METTL15: variants seen among roughly 807,000 people sequenced by gnomAD.
The protein encoded by METTL15 is methyltransferase 15, mitochondrial 12S rRNA N4-cytidine.
In METTL15, 34 loss-of-function variants were observed where a neutral mutation model predicts 38.3. The observed-to-expected ratio is 0.89, with a 90% CI of 0.68 to 1.18. METTL15 has a LOEUF of 1.18. Ranked by LOEUF, METTL15 falls within the 50% of genes most tolerant of loss-of-function variation. METTL15 has a pLI of 0.00. For synonymous variants in METTL15, 162 were observed against 170.9 expected, an observed-to-expected ratio of 0.95 and a Z score of 0.41; for missense variants, 438 against 498.4, an observed-to-expected ratio of 0.88 and a Z score of 1.15.
At chr11:28,393,284 A>G (rs1366691200) in intron 5 of METTL15, among the ~76,000 whole-genome samples, 1 of 152,188 alleles carries the variant, frequency 6.6e-6, no homozygotes, top group Non-Finnish European at 1.5e-5. Flanking sequence ...GTAAATGTCC[A>G]TTTATAAATG....
At chr11:28,118,180 G>T (rs61888972) in intron 3 of METTL15, among the ~76,000 whole-genome samples, 1,940 of 152,022 alleles carry the variant, frequency 0.013, 16 homozygotes, top group Middle Eastern at 0.02. Flanking sequence ...GAGGTGCAAG[G>T]CATTTTATAG....
intron 3 of METTL15, among the ~76,000 whole-genome samples, chr11:28,117,259 G>GTGTATATATA (rs1353342377): frequency 9.2e-6 from 1 of 108,588 alleles, no homozygotes; most frequent in African/African-American, 3.6e-5. Context: ...GTGTGTGTGT[G>GTGTATATATA]TATATATATA....
At chr11:28,120,212 A>G (rs928551915) in intron 3 of METTL15, among the ~76,000 whole-genome samples, 1 of 150,548 alleles carries the variant, frequency 6.6e-6, no homozygotes, top group Non-Finnish European at 1.5e-5. Context: ...TCAGCCTCCC[A>G]AAGTGCTGGG....
At chr11:28,159,263 A>T (rs1158712172) in intron 3 of METTL15, among the ~76,000 whole-genome samples, 1 of 152,134 alleles carries the variant, frequency 6.6e-6, no homozygotes, top group South Asian at 2.1e-4. Context: ...AAATCAGTCT[A>T]CTACGCCGCA....
At chr11:28,361,370 T>C (rs1362679919) in intron 4 of METTL15, among the ~76,000 whole-genome samples, 3 of 152,230 alleles carry the variant, frequency 2.0e-5, no homozygotes, top group African/African-American at 7.2e-5. Flanking sequence ...TGTGAGATGG[T>C]ATCTCATTGT....
chr11:28,216,732 C>T (rs1325261321), intron 4 of METTL15, among the ~76,000 whole-genome samples: 1 of 116,288 alleles, frequency 8.6e-6, no homozygotes, highest in Non-Finnish European at 1.7e-5. Flanking sequence ...CCACAACAGG[C>T]CCCAGTGTAT....
intron 4 of METTL15, among the ~76,000 whole-genome samples, chr11:28,272,656 G>T (rs149337573): frequency 3.5e-4 from 54 of 152,138 alleles, no homozygotes; most frequent in Non-Finnish European, 7.1e-4. Flanking sequence ...ACCATGGCAC[G>T]TGTATACCTA....
At chr11:28,516,845 T>A (rs1221059922) in intron 6 of METTL15, 3 of 152,164 alleles carry the variant, frequency 2.0e-5, no homozygotes, top group African/African-American at 7.2e-5. Context: ...AGATAGAATG[T>A]CATCGGAATG....
chr11:28,368,152 C>CAAAAAAAAACA (rs1850206478), intron 5 of METTL15, among the ~76,000 whole-genome samples: 2 of 108,706 alleles, frequency 1.8e-5, no homozygotes, highest in African/African-American at 6.9e-5. Context: ...ACAAAAAAAA[C>CAAAAAAAAACA]AAAAAAAAAA....
intron 4 of METTL15, among the ~76,000 whole-genome samples, chr11:28,220,385 C>G (rs1853141748): frequency 6.6e-6 from 1 of 152,064 alleles, no homozygotes; most frequent in Non-Finnish European, 1.5e-5. Flanking sequence ...GATTGCAACT[C>G]CTGCCTTTTT....
At chr11:28,313,946 A>G (rs1199580848) in intron 6 of METTL15, among the ~76,000 whole-genome samples, 1 of 152,202 alleles carries the variant, frequency 6.6e-6, no homozygotes, top group Non-Finnish European at 1.5e-5. Context: ...AAATGTATAC[A>G]TGTCCTTCTA....
At chr11:28,267,742 CAA>C (rs1382769748) in intron 4 of METTL15, among the ~76,000 whole-genome samples, 1 of 152,088 alleles carries the variant, frequency 6.6e-6, no homozygotes, top group African/African-American at 2.4e-5. Context: ...TGGCTGAAGT[CAA>C]TATCTGGTAA....
chr11:28,465,101 G>T (rs2133458566), intron 6 of METTL15, among the ~76,000 whole-genome samples: 1 of 152,238 alleles, frequency 6.6e-6, no homozygotes. Flanking sequence ...ACTTGTGCTT[G>T]CCAATTTCCC....
At chr11:28,446,876 G>C (rs146498499) in intron 6 of METTL15, among the ~76,000 whole-genome samples, 1 of 151,558 alleles carries the variant, frequency 6.6e-6, no homozygotes, top group African/African-American at 2.4e-5. Context: ...TAGTTTTTAC[G>C]TCTGCAATTC....
intron 4 of METTL15, among the ~76,000 whole-genome samples, chr11:28,263,127 C>A (rs1028528072): frequency 6.6e-6 from 1 of 151,954 alleles, no homozygotes; most frequent in Non-Finnish European, 1.5e-5. Context: ...CCGAACTGAA[C>A]AGTATGTTCA....
At chr11:28,150,620 C>T (rs1015527520) in intron 3 of METTL15, among the ~76,000 whole-genome samples, 5 of 140,718 alleles carry the variant, frequency 3.6e-5, no homozygotes, top group African/African-American at 5.0e-5. Context: ...ATACACATAT[C>T]GCCTGTGTGA....
At chr11:28,145,117 A>T (rs1280764415) in intron 3 of METTL15, 1 of 153,622 alleles carries the variant, frequency 6.5e-6, no homozygotes, top group Non-Finnish European at 1.5e-5. Flanking sequence ...TTAATATCTA[A>T]ATGTGGCCAA....
chr11:28,298,066 C>A (rs1158135895), intron 6 of METTL15, among the ~76,000 whole-genome samples: 4 of 151,758 alleles, frequency 2.6e-5, no homozygotes, highest in African/African-American at 9.7e-5. Context: ...ATCTCAGGGC[C>A]CTTTGAACTT....
At chr11:28,166,304 T>C (rs1370387677) in intron 3 of METTL15, among the ~76,000 whole-genome samples, 1 of 152,198 alleles carries the variant, frequency 6.6e-6, no homozygotes, top group Non-Finnish European at 1.5e-5. Context: ...ATGCTGATTA[T>C]CTAATTCTCT....
Sources: gnomAD v4.1 joint callset for allele counts (sites outside exome capture counted in the v4.1 genomes callset) on GRCh38, gnomAD v4.1.1 for gene constraint, MANE v1.5 for transcripts, NCBI Gene and HGNC (gene_info 2026-07-23, HGNC 2026-07-21) for gene names.